ZNF131: variants seen among roughly 807,000 people sequenced by gnomAD.
The protein encoded by ZNF131 is zinc finger and BTB domain containing 35.
A neutral mutation model predicts 60.0 loss-of-function variants in ZNF131; 7 were observed. The ratio of observed to expected loss-of-function variants is 0.12; its 90% CI spans 0.07 to 0.22. ZNF131 has a LOEUF of 0.22. ZNF131 is among the 10% of genes least tolerant of loss of function. The pLI, the probability that ZNF131 is intolerant of heterozygous loss-of-function variation, is 1.00. For missense variants in ZNF131, 493 were observed against 740.9 expected (o/e 0.67, Z 3.88); for synonymous variants, 257 against 253.2 (o/e 1.01, Z -0.14).
chr5:43,124,501 A>G (rs992042649), intron 3 of ZNF131: 2 of 152,352 alleles, frequency 1.3e-5, no homozygotes, highest in African/African-American at 4.8e-5. Flanking sequence ...CCAGTTTAGC[A>G]TTATAGCTGA....
intron 5 of ZNF131, chr5:43,168,005 CTGAGG>C (rs1750569410): frequency 2.2e-6 from 1 of 450,540 alleles, no homozygotes; most frequent in Admixed American, 2.4e-5. Flanking sequence ...CTGCAGAGTC[CTGAGG>C]CCATGCAGGG....
rs71608692 is a variant in ZNF131 at position 43,160,678 on chromosome 5, C to CTTTTTT, written c.372-554_372-549dup. On this transcript the variant is annotated intron_variant, in intron 4 of 6. Transcript: ENST00000682664. The stretch of plus-strand genomic sequence containing the variant: ...TCACTGTTAAATGATTAGCTTGGAA[C>CTTTTTT]TTTTTTTTTTTTTTTTTTTTTTGAG... Among the ~76,000 whole-genome samples the CTTTTTT allele has an allele frequency of 7.5e-5, 7 of 93,030 alleles. 1 individual carries two copies. Among genetic ancestry groups the CTTTTTT allele is most frequent in the Non-Finnish European group, 1.3e-4 (6 of 47,496 alleles). The allele number at this position is 93,030 out of a possible 152,430, so 61.0% of individuals were successfully genotyped here. A position where few individuals can be genotyped will look rare whatever the true frequency, so the allele number is the denominator to read the frequency against.
At chr5:43,138,004 G>A (rs1746342600) in intron 3 of ZNF131, among the ~76,000 whole-genome samples, 1 of 152,158 alleles carries the variant, frequency 6.6e-6, no homozygotes. Context: ...TTTATATGAG[G>A]AATCTAAAAT....
chr5:43,154,859 G>C (rs1412275428), intron 4 of ZNF131, among the ~76,000 whole-genome samples: 1 of 152,160 alleles, frequency 6.6e-6, no homozygotes, highest in Non-Finnish European at 1.5e-5. Flanking sequence ...CAGAGGCGTG[G>C]ATGTCTTTAA....
At chr5:43,167,898 A>C in intron 5 of ZNF131, 3 of 441,172 alleles carry the variant, frequency 6.8e-6, no homozygotes, top group South Asian at 4.9e-5. Flanking sequence ...AAACTGGAGA[A>C]TTTATAAAGA....
intron 4 of ZNF131, among the ~76,000 whole-genome samples, chr5:43,144,257 T>C (rs1231750602): frequency 8.4e-6 from 1 of 118,946 alleles, no homozygotes; most frequent in Admixed American, 8.1e-5. Context: ...TTTTTTTTTT[T>C]TTTTTTTTTT....
chr5:43,139,353 A>G (rs1449559370), intron 4 of ZNF131, 44 bp downstream of exon 4: 1 of 1,491,996 alleles, frequency 6.7e-7, no homozygotes, highest in South Asian at 1.5e-5. Context: ...ATATTCAGTC[A>G]TGTTCATTCT....
At chr5:43,150,921 C>A (rs939274495) in intron 4 of ZNF131, among the ~76,000 whole-genome samples, 1 of 152,212 alleles carries the variant, frequency 6.6e-6, no homozygotes. Context: ...ATCATGCACC[C>A]ACCACACTAA....
intron 5 of ZNF131, among the ~76,000 whole-genome samples, chr5:43,172,963 T>A (rs1265450601): frequency 6.6e-6 from 1 of 152,174 alleles, no homozygotes; most frequent in Non-Finnish European, 1.5e-5. Flanking sequence ...ATGGTAAGTG[T>A]GCAAAAAATG....
At chr5:43,130,263 C>CAAAAAAAAAA (rs765959932) in intron 3 of ZNF131, among the ~76,000 whole-genome samples, 658 of 33,048 alleles carry the variant, frequency 0.02, 9 homozygotes, top group Admixed American at 0.028. Context: ...GACTCTGTCT[C>CAAAAAAAAAA]CAAAAAAAAA....
At chr5:43,145,043 T>G (rs1367786092) in intron 4 of ZNF131, among the ~76,000 whole-genome samples, 1 of 152,086 alleles carries the variant, frequency 6.6e-6, no homozygotes, top group Non-Finnish European at 1.5e-5. Context: ...ATTTTTCTAA[T>G]AGTCTCCAAC....
intron 4 of ZNF131, among the ~76,000 whole-genome samples, chr5:43,150,605 C>T (rs987950167): frequency 5.3e-5 from 8 of 152,188 alleles, no homozygotes; most frequent in South Asian, 4.1e-4. Context: ...GCCTGGCTAA[C>T]GTGGTGGAAC....
chr5:43,145,622 C>T (rs1235069944), intron 4 of ZNF131, among the ~76,000 whole-genome samples: 1 of 151,852 alleles, frequency 6.6e-6, no homozygotes, highest in Non-Finnish European at 1.5e-5. Context: ...CACTGCACTC[C>T]ATCCAGCCTG....
intron 4 of ZNF131, among the ~76,000 whole-genome samples, chr5:43,160,441 A>T (rs1334875130): frequency 6.6e-6 from 1 of 152,026 alleles, no homozygotes; most frequent in East Asian, 1.9e-4. Context: ...TTGAAGCCAC[A>T]GTGAGCCAAC....
At chr5:43,136,164 C>T (rs771837555) in intron 3 of ZNF131, among the ~76,000 whole-genome samples, 14 of 152,174 alleles carry the variant, frequency 9.2e-5, no homozygotes, top group Non-Finnish European at 2.1e-4. Flanking sequence ...ATCAACATGA[C>T]TCAACGGAAA....
intron 4 of ZNF131, among the ~76,000 whole-genome samples, chr5:43,148,789 G>T (rs1232658600): frequency 6.6e-6 from 1 of 152,176 alleles, no homozygotes; most frequent in Non-Finnish European, 1.5e-5. Context: ...AAAGTACACA[G>T]TTTGATGACT....
At chr5:43,147,905 AT>A (rs768909718) in intron 4 of ZNF131, among the ~76,000 whole-genome samples, 31 of 151,556 alleles carry the variant, frequency 2.0e-4, no homozygotes, top group Non-Finnish European at 2.8e-4. Context: ...ATACAAAAAA[AT>A]ATCTGGGTGT....
chr5:43,174,746 G>A lies in ZNF131; in HGVS notation c.1485G>A (p.Val495=). The stretch of plus-strand genomic sequence containing the variant: ...AGGTGGATTCAGCACAAGTGACTGT[G>A]GAACAAGTCCATCCAGATCTGCTCC... ...QVQVDSAQVT[V]EQVHPDLLQD... is the part of the protein sequence containing the mutation. The change falls in exon 7 of 7, where the codon GTG becomes GTA. Residue 495 remains valine, a synonymous_variant. Coordinates refer to ENST00000682664, the MANE Select transcript of ZNF131 (RefSeq NM_001330707.2). 1 of 1,614,180 alleles carries A rather than the reference G, an allele frequency of 6.2e-7. No individual in the cohort carries two copies.
At chr5:43,141,781 A>C (rs1365116949) in intron 4 of ZNF131, among the ~76,000 whole-genome samples, 1 of 151,390 alleles carries the variant, frequency 6.6e-6, no homozygotes, top group Non-Finnish European at 1.5e-5. Context: ...AAAAAAAAAA[A>C]CTGGAATTCC....
Sources: allele counts gnomAD v4.1 joint callset (sites outside exome capture counted in the v4.1 genomes callset), GRCh38; gene constraint gnomAD v4.1.1; transcripts MANE v1.5; gene names NCBI Gene and HGNC (gene_info 2026-07-23, HGNC 2026-07-21).